The following NIM1K variants were observed in gnomAD, a reference collection of about 807,000 sequenced individuals.
NIM1K encodes serine/threonine-protein kinase NIM1.
NIM1K carries 35 observed loss-of-function variants against 37.1 expected under a neutral mutation model. That is an observed-to-expected ratio of 0.94 (90% CI 0.72 to 1.25). NIM1K has a LOEUF of 1.25. Ranked by LOEUF, NIM1K falls within the 50% of genes most tolerant of loss-of-function variation. NIM1K has a pLI of 0.00. For synonymous variants in NIM1K, 234 were observed against 206.6 expected, an observed-to-expected ratio of 1.13 and a Z score of -1.14; for missense variants, 564 against 548.0, an observed-to-expected ratio of 1.03 and a Z score of -0.29.
At chr5:43,263,157 A>G (rs1347244138) in intron 2 of NIM1K, among the ~76,000 whole-genome samples, 3 of 151,894 alleles carry the variant, frequency 2.0e-5, no homozygotes, top group African/African-American at 7.3e-5. Context: ...CTCTTTTTCT[A>G]TTGATTGGAA....
intron 2 of NIM1K, among the ~76,000 whole-genome samples, chr5:43,259,064 C>A (rs1472602085): frequency 2.6e-5 from 4 of 152,266 alleles, no homozygotes; most frequent in African/African-American, 9.6e-5. Context: ...CCAGCTCCAT[C>A]CAAGTTGCTG....
At chr5:43,213,392 C>T (rs752632958) in intron 1 of NIM1K, among the ~76,000 whole-genome samples, 7 of 150,176 alleles carry the variant, frequency 4.7e-5, no homozygotes, top group Non-Finnish European at 7.4e-5. Flanking sequence ...CGCAGCGGCA[C>T]GATCTTGGCT....
intron 2 of NIM1K, among the ~76,000 whole-genome samples, chr5:43,275,618 A>C (rs985214765): frequency 1.3e-5 from 2 of 152,194 alleles, no homozygotes; most frequent in African/African-American, 4.8e-5. Flanking sequence ...ATTACATGCC[A>C]GGCACTGAGA....
chr5:43,233,247 A>G, intron 1 of NIM1K: 1 of 674,788 alleles, frequency 1.5e-6, no homozygotes. Flanking sequence ...TGCGACTCTT[A>G]GGTGATTGAT....
chr5:43,212,128 T>C (rs1479455396), intron 1 of NIM1K, among the ~76,000 whole-genome samples: 1 of 152,154 alleles, frequency 6.6e-6, no homozygotes, highest in Admixed American at 6.5e-5. Context: ...TTAAAGCATG[T>C]GCATCTCTAC....
intron 1 of NIM1K, among the ~76,000 whole-genome samples, chr5:43,229,525 C>A (rs966814565): frequency 6.6e-6 from 1 of 151,960 alleles, no homozygotes; most frequent in African/African-American, 2.4e-5. Context: ...CTATCTAAAC[C>A]TTTATAGGCT....
In NIM1K at chr5:43,230,853, G is replaced by A. The variant is rs7717370; in HGVS notation, c.-694-14229G>A. On this transcript the variant is annotated intron_variant, in intron 1 of 3. Transcript: ENST00000326035. Reference sequence around the variant, plus strand: ...CTAGTTCAATCTGCATTTTACCAGAGCTTTTTTTTGTGCATGTACAAGTAC... The same window carrying A: ...CTAGTTCAATCTGCATTTTACCAGAACTTTTTTTTGTGCATGTACAAGTAC... Among the ~76,000 whole-genome samples, 809 of 152,336 alleles carry A rather than the reference G, an allele frequency of 5.3e-3. 2 individuals carry two copies. Among genetic ancestry groups the A allele is most frequent in the African/African-American group, 0.019 (778 of 41,578 alleles).
intron 1 of NIM1K, among the ~76,000 whole-genome samples, chr5:43,243,938 C>G (rs933573025): frequency 6.6e-6 from 1 of 152,196 alleles, no homozygotes; most frequent in Non-Finnish European, 1.5e-5. Context: ...TGGTCTCTAA[C>G]CTAGAGATGT....
intron 2 of NIM1K, among the ~76,000 whole-genome samples, chr5:43,264,339 C>T (rs1012238390): frequency 5.3e-5 from 8 of 152,248 alleles, no homozygotes; most frequent in Admixed American, 2.0e-4. Flanking sequence ...GGATAGTTAG[C>T]TCTTCTTGTT....
rs1434176810 is a variant in NIM1K at position 43,246,204 on chromosome 5, C to A, written c.292+137C>A. 3 of 641,274 alleles carry A rather than the reference C, an allele frequency of 4.7e-6. No homozygotes were observed. In the East Asian group the frequency reaches 8.5e-5, roughly 18 times the overall value. The allele number at this position is 641,274 out of a possible 1,614,324, so 39.7% of individuals were successfully genotyped here. A position where few individuals can be genotyped will look rare whatever the true frequency, so the allele number is the denominator to read the frequency against. ...TGCAAGGCCCACATCCTGTGCCAGCCGCCTTCTGTGGTCTTCTCAGTTAAT... is the reference window on the plus strand; with the variant it reads ...TGCAAGGCCCACATCCTGTGCCAGCAGCCTTCTGTGGTCTTCTCAGTTAAT... On this transcript the variant is annotated intron_variant, in intron 2 of 3. Transcript: ENST00000326035.
chr5:43,215,902 T>C (rs1752292867), intron 1 of NIM1K, among the ~76,000 whole-genome samples: 1 of 152,218 alleles, frequency 6.6e-6, no homozygotes. Flanking sequence ...GGATTTGACA[T>C]ATTTTCTCTT....
intron 1 of NIM1K, among the ~76,000 whole-genome samples, chr5:43,213,320 C>CT (rs1462569555): frequency 9.1e-6 from 1 of 110,218 alleles, no homozygotes; most frequent in Non-Finnish European, 2.0e-5. Context: ...CTTTTCTTTT[C>CT]TTTTCTTTTC....
intron 1 of NIM1K, among the ~76,000 whole-genome samples, chr5:43,238,810 C>T (rs1752656564): frequency 6.6e-6 from 1 of 151,616 alleles, no homozygotes; most frequent in African/African-American, 2.4e-5. Flanking sequence ...TATTTTCCTC[C>T]ATTCTGGGAA....
Position 43,277,779 on chromosome 5 carries a change from C to CAT in NIM1K, c.561+454_561+455insAT, listed in dbSNP as rs1491436439. On this transcript the variant is annotated intron_variant, in intron 3 of 3. Transcript: ENST00000326035. ...CTCTCTCTCCCCCACCCCCCCTCTC[C>CAT]GTGTGTGTGTGTGTGTGTGTGTGTG... 1.7e-3 allele frequency among the ~76,000 whole-genome samples: 223 copies of CAT among 127,462 alleles called. 1 individual carries two copies. Among genetic ancestry groups the CAT allele is most frequent in the African/African-American group, 6.9e-3 (215 of 31,056 alleles). 83.6% of individuals were successfully genotyped at this position (127,462 alleles called of 152,430 possible). A position where few individuals can be genotyped will look rare whatever the true frequency, so the allele number is the denominator to read the frequency against.
Position 43,280,492 on chromosome 5 carries a change from A to C in NIM1K, c.1074A>C (p.Lys358Asn), listed in dbSNP as rs757628320. The change falls in exon 4 of 4, where the codon AAA becomes AAC. Residue 358 changes from lysine to asparagine, a missense_variant. Lys to Asn is a moderately conservative substitution (Grantham distance 94, BLOSUM62 0). Coordinates refer to ENST00000326035, the MANE Select transcript of NIM1K (RefSeq NM_153361.4). ...TCAAGGAAGAAGAAAATGAGGTCAAAAGCACTTTAGAACATTTGGGCATTA... is the reference window on the plus strand; with the variant it reads ...TCAAGGAAGAAGAAAATGAGGTCAACAGCACTTTAGAACATTTGGGCATTA... ...STLKEEENEV[K>N]STLEHLGITE... is the part of the protein sequence containing the mutation. The C allele has an allele frequency of 1.2e-6, 2 of 1,614,222 alleles. No individual in the cohort carries two copies. The highest frequency in any genetic ancestry group is 1.7e-6 in the Non-Finnish European group (2 of 1,180,042).
Position 43,280,769 on chromosome 5 carries a change from G to A in NIM1K, c.*40G>A. The A allele has an allele frequency of 6.7e-7, 1 of 1,492,760 alleles. No individual in the cohort carries two copies. The highest frequency in any genetic ancestry group is 8.9e-7 in the Non-Finnish European group (1 of 1,119,922). 92.5% of individuals were successfully genotyped at this position (1,492,760 alleles called of 1,614,324 possible). A position where few individuals can be genotyped will look rare whatever the true frequency, so the allele number is the denominator to read the frequency against. ...CTTGTAACTAACCAAGATGATTGTT[G>A]CTGCTTCTAAATTTTTTTCAAGGAC... On this transcript the variant is annotated 3_prime_UTR_variant, in exon 4 of 4. Coordinates refer to ENST00000326035, the MANE Select transcript of NIM1K (RefSeq NM_153361.4).
Position 43,277,219 on chromosome 5 carries a change from A to G in NIM1K, c.455A>G (p.Tyr152Cys), listed in dbSNP as rs141294534. The G allele has an allele frequency of 1.1e-4, 180 of 1,613,984 alleles. No homozygotes were observed. The highest frequency in any genetic ancestry group is 1.3e-4 in the Non-Finnish European group (155 of 1,180,006). ...TCCAAGCTGCACTTGGTGATGGAGT[A>G]TGCAGGGGGTGGGGAGCTCTTCGGA... Reference protein sequence around the residue: ...TLSKLHLVMEYAGGGELFGKI... With the variant: ...TLSKLHLVMECAGGGELFGKI... Residue 152 changes from tyrosine to cysteine, a missense_variant, in exon 3 of 4, where the codon TAT becomes TGT. Coordinates refer to ENST00000326035, the MANE Select transcript of NIM1K (RefSeq NM_153361.4).
At chr5:43,198,125 A>G (rs1751944036) in intron 1 of NIM1K, among the ~76,000 whole-genome samples, 1 of 148,214 alleles carries the variant, frequency 6.7e-6, no homozygotes, top group Non-Finnish European at 1.5e-5. Context: ...GCACCTGGCC[A>G]ATATGATTTC....
At chr5:43,195,009 C>T (rs974895311) in intron 1 of NIM1K, 1 of 152,156 alleles carries the variant, frequency 6.6e-6, no homozygotes, top group Non-Finnish European at 1.5e-5. Context: ...TTAAATCCAA[C>T]TTCATTCTTT....
Sources: gnomAD v4.1 joint callset for allele counts (sites outside exome capture counted in the v4.1 genomes callset) on GRCh38, gnomAD v4.1.1 for gene constraint, MANE v1.5 for transcripts, NCBI Gene and HGNC (gene_info 2026-07-23, HGNC 2026-07-21) for gene names.